FUT8: variants seen among roughly 807,000 people sequenced by gnomAD.
FUT8 encodes the protein alpha-(1,6)-fucosyltransferase.
FUT8 carries 29 observed loss-of-function variants against 71.3 expected under a neutral mutation model. That is an observed-to-expected ratio of 0.41 (90% CI 0.30 to 0.55). The LOEUF (loss-of-function observed/expected upper bound fraction) is 0.55, where lower values mean the gene tolerates loss of function less well. Among genes scored for constraint, FUT8 ranks in the 20% least tolerant of loss-of-function variants. The probability of loss-of-function intolerance (pLI) is 0.34; values close to 1 mark genes in which losing one functional copy is unlikely to be tolerated. For missense variants in FUT8, 544 were observed against 702.1 expected (o/e 0.77, Z 2.55); for synonymous variants, 254 against 239.3 (o/e 1.06, Z -0.57).
At chr14:65,615,318 G>A (rs1286824544) in intron 3 of FUT8, among the ~76,000 whole-genome samples, 1 of 152,072 alleles carries the variant, frequency 6.6e-6, no homozygotes, top group Non-Finnish European at 1.5e-5. Flanking sequence ...TGTTGCCCAG[G>A]CTGGCCATGA....
In FUT8 at chr14:65,550,546, A is replaced by ATT. The variant is rs1468722277; in HGVS notation, c.-227-10790_-227-10789insTT. On this transcript the variant is annotated intron_variant, in intron 2 of 10. Coordinates refer to ENST00000673929, the MANE Select transcript of FUT8 (RefSeq NM_001371533.1). This position sits in a 1 kb window ranked among gnomAD's most constrained non-coding sequence, Gnocchi z 4.5. Reference sequence around the variant, plus strand: ...ACTGAATATATATTGCTTTTATACCATCATAAAGTTGAAAAATTGTTAAGT... The same window carrying ATT: ...ACTGAATATATATTGCTTTTATACCATTTCATAAAGTTGAAAAATTGTTAAGT... Among the ~76,000 whole-genome samples the ATT allele has an allele frequency of 1.3e-5, 2 of 152,300 alleles. No individual in the cohort carries two copies. The highest frequency in any genetic ancestry group is 3.9e-4 in the East Asian group (2 of 5,186).
chr14:65,372,967 C>G, the FUT8 span, among the ~76,000 whole-genome samples: 1 of 151,970 alleles, frequency 6.6e-6, no homozygotes, highest in Admixed American at 6.6e-5. Context: ...GAACAGAATT[C>G]GGGGTAGGGA....
chr14:65,540,742 A>G (rs1461153893), intron 2 of FUT8, among the ~76,000 whole-genome samples: 1 of 152,276 alleles, frequency 6.6e-6, no homozygotes, highest in Non-Finnish European at 1.5e-5. Flanking sequence ...GTTTATGTAC[A>G]CAGGAGCATG....
intron 6 of FUT8, among the ~76,000 whole-genome samples, chr14:65,663,218 G>A (rs1172847235): frequency 6.6e-6 from 1 of 152,100 alleles, no homozygotes; most frequent in East Asian, 1.9e-4. Flanking sequence ...CAAAACTATG[G>A]CTCTGTATCC....
intron 3 of FUT8, among the ~76,000 whole-genome samples, chr14:65,568,298 C>G (rs898041295): frequency 5.3e-5 from 8 of 151,526 alleles, no homozygotes; most frequent in African/African-American, 1.9e-4. Flanking sequence ...TGTGTTTTCT[C>G]CTTTTATCTT....
chr14:65,518,148 A>G (rs1161145000), intron 2 of FUT8, among the ~76,000 whole-genome samples: 2 of 152,222 alleles, frequency 1.3e-5, no homozygotes, highest in Non-Finnish European at 2.9e-5. Context: ...GACCTTTTGA[A>G]GTTTAACACT....
Position 65,695,508 on chromosome 14 carries a change from T to G in FUT8, c.835+26028T>G, listed in dbSNP as rs80141694. On this transcript the variant is annotated intron_variant, in intron 7 of 10. Transcript: ENST00000673929. ...CAGGTAAGATATTGCTGATAATTTT[T>G]CTTGCTCTGAAATCTACTTTATTTG... Among the ~76,000 whole-genome samples the G allele has an allele frequency of 7.0e-3, 1,066 of 152,318 alleles. 11 individuals are homozygous for G. Among genetic ancestry groups the G allele is most frequent in the African/African-American group, 0.025 (1,031 of 41,574 alleles).
At position 65,629,556 on chromosome 14, in the gene FUT8, G is replaced by C; in HGVS notation, c.547G>C (p.Glu183Gln). 6.2e-7 allele frequency: 1 copy of C among 1,613,864 alleles called. No homozygotes were observed. The highest frequency in any genetic ancestry group is 8.5e-7 in the Non-Finnish European group (1 of 1,179,768). ...TDGAGDWREKEAKDLTELVQR... is the reference protein window; with the variant it reads ...TDGAGDWREKQAKDLTELVQR... ...TGGAGCAGGTGATTGGCGGGAAAAA[G>C]AGGCCAAAGATCTGACAGAACTGGT... Residue 183 changes from glutamate to glutamine, a missense_variant, in exon 6 of 11, where the codon GAG (glutamate) becomes CAG (glutamine). Glu to Gln is a conservative substitution (Grantham distance 29, BLOSUM62 2). Transcript: ENST00000673929.
intron 3 of FUT8, among the ~76,000 whole-genome samples, chr14:65,595,602 C>CT (rs34129010): frequency 0.13 from 10,393 of 81,148 alleles, 1,438 homozygotes; most frequent in East Asian, 0.28. Context: ...ACACCATTCT[C>CT]TTTTTTTTTT....
At position 65,611,195 on chromosome 14, in the gene FUT8, ACACGCGCG is replaced by A. The variant is rs1172623884; in HGVS notation, c.204-4781_204-4774del. On this transcript the variant is annotated intron_variant, in intron 3 of 10. Coordinates refer to ENST00000673929, the MANE Select transcript of FUT8 (RefSeq NM_001371533.1). ...CATTTTAAGTGTCATACACACACAC[ACACGCGCG>A]CGCGCGCGCGCGCGCGCGCGCACAC... 8.3e-3 allele frequency among the ~76,000 whole-genome samples: 118 copies of A among 14,302 alleles called. 15 individuals carry two copies. Among genetic ancestry groups the A allele is most frequent in the African/African-American group, 0.014 (109 of 7,862 alleles). The allele number at this position is 14,302 out of a possible 152,430, so 9.4% of individuals were successfully genotyped here. A position where few individuals can be genotyped will look rare whatever the true frequency, so the allele number is the denominator to read the frequency against.
intron 2 of FUT8, chr14:65,528,763 A>G (rs977003966): frequency 6.6e-6 from 1 of 152,204 alleles, no homozygotes; most frequent in South Asian, 2.1e-4. Context: ...ATGAAGCCAT[A>G]TAACTTAAGG....
rs1033203822 is a variant in FUT8 at position 65,477,280 on chromosome 14, C to T, written c.-228+21562C>T. Among the ~76,000 whole-genome samples the T allele has an allele frequency of 5.9e-5, 9 of 152,158 alleles. No individual in the cohort carries two copies. The East Asian group carries it at 1.5e-3, about 26-fold the overall frequency. On this transcript the variant is annotated intron_variant, in intron 2 of 10. Coordinates refer to ENST00000673929, the MANE Select transcript of FUT8 (RefSeq NM_001371533.1). ...AAATGCAGAGTCTTTAGCACAGTTC[C>T]TGGCATGAAGTAATGGCTCAATAAA... is the stretch of plus-strand genomic sequence containing the variant.
rs545527394 is a variant in FUT8 at position 65,730,095 on chromosome 14, C to T, written c.1260-3136C>T. The stretch of plus-strand genomic sequence containing the variant: ...AAATCTCTGCCATTGTTTTAAGAGA[C>T]CAAAAGCATGAATTAATCTATTATC... On this transcript the variant is annotated intron_variant, in intron 9 of 10. Coordinates refer to ENST00000673929, the MANE Select transcript of FUT8 (RefSeq NM_001371533.1). Among the ~76,000 whole-genome samples, 4 of 152,152 alleles carry T rather than the reference C, an allele frequency of 2.6e-5. No homozygotes were observed. In the East Asian group the frequency reaches 7.7e-4, roughly 29 times the overall value.
rs948517251 is a variant in FUT8 at position 65,738,829 on chromosome 14, A to G, written c.1411-3264A>G. Among the ~76,000 whole-genome samples, 8 of 152,194 alleles carry G rather than the reference A, an allele frequency of 5.3e-5. No homozygotes were observed. In the South Asian group the frequency reaches 1.0e-3, roughly 20 times the overall value. ...AAATTACTTCCTCTTAATGTTATAT[A>G]TGGATCTTAAGGGTTAAATATCACC... On this transcript the variant is annotated intron_variant, in intron 10 of 10. Coordinates refer to ENST00000673929, the MANE Select transcript of FUT8 (RefSeq NM_001371533.1).
chr14:65,684,654 G>A (rs1430817753), intron 7 of FUT8, among the ~76,000 whole-genome samples: 3 of 152,160 alleles, frequency 2.0e-5, no homozygotes, highest in African/African-American at 7.2e-5. Context: ...AGAACCTGAT[G>A]GAAGGTGATT....
At chr14:65,740,513 T>G (rs1156233564) in intron 10 of FUT8, among the ~76,000 whole-genome samples, 1 of 151,988 alleles carries the variant, frequency 6.6e-6, no homozygotes, top group Non-Finnish European at 1.5e-5. Context: ...AAGAAATACC[T>G]GAGACTGGGC....
Position 65,467,941 on chromosome 14 carries a change from T to C in FUT8, c.-228+12223T>C. The C allele has an allele frequency of 1.4e-6, 1 of 738,384 alleles. No individual in the cohort carries two copies. Among genetic ancestry groups the C allele is most frequent in the South Asian group, 1.4e-5 (1 of 72,692 alleles). 45.7% of individuals were successfully genotyped at this position (738,384 alleles called of 1,614,324 possible). A position where few individuals can be genotyped will look rare whatever the true frequency, so the allele number is the denominator to read the frequency against. ...CGGGTACCTTTCTCTTTGGCTTCTT[T>C]CTTTTTCCGATCATTTTCCTTTACG... On this transcript the variant is annotated intron_variant, in intron 2 of 10. Transcript: ENST00000673929. This position sits in a 1 kb window ranked among gnomAD's most constrained non-coding sequence, Gnocchi z 4.1.
intron 1 of FUT8, among the ~76,000 whole-genome samples, chr14:65,440,522 A>AT (rs1244130064): frequency 6.6e-6 from 1 of 152,136 alleles, no homozygotes; most frequent in Non-Finnish European, 1.5e-5. Flanking sequence ...AAACAAAAAA[A>AT]GCTTGGATAT....
At chr14:65,528,343 C>T (rs545386720) in intron 2 of FUT8, among the ~76,000 whole-genome samples, 11 of 152,332 alleles carry the variant, frequency 7.2e-5, no homozygotes, top group Admixed American at 2.6e-4. Flanking sequence ...TGGGACCCTC[C>T]GAGCCAGGCG....
Sources: allele counts gnomAD v4.1 joint callset (sites outside exome capture counted in the v4.1 genomes callset), GRCh38; gene constraint gnomAD v4.1.1; non-coding constraint Gnocchi (gnomAD v3.1); transcripts MANE v1.5; gene names NCBI Gene and HGNC (gene_info 2026-07-23, HGNC 2026-07-21).